Variants in HMGCLL1 observed in about 807,000 individuals in gnomAD.
The protein encoded by HMGCLL1 is 3-hydroxy-3-methylglutaryl-CoA lyase like 1, also known as 3-hydroxymethyl-3-methylglutaryl-CoA lyase, cytoplasmic.
Under a neutral mutation model 39.1 loss-of-function variants are expected in HMGCLL1, and 36 were observed. The observed-to-expected ratio is 0.92, with a 90% confidence interval of 0.71 to 1.22. The LOEUF (loss-of-function observed/expected upper bound fraction) is 1.22, where lower values mean the gene tolerates loss of function less well. Ranked by LOEUF, HMGCLL1 falls within the 50% of genes most tolerant of loss-of-function variation. HMGCLL1 has a pLI of 0.00. For missense variants in HMGCLL1, 451 were observed against 416.5 expected (o/e 1.08, Z -0.72); for synonymous variants, 149 against 144.0 (o/e 1.03, Z -0.25).
At chr6:55,497,725 A>G (rs1766651096) in intron 6 of HMGCLL1, among the ~76,000 whole-genome samples, 1 of 152,212 alleles carries the variant, frequency 6.6e-6, no homozygotes, top group Non-Finnish European at 1.5e-5. Context: ...CTTTATTATA[A>G]AGTGCTTACT....
chr6:55,436,348 C>T (rs530446544), intron 8 of HMGCLL1, among the ~76,000 whole-genome samples: 1 of 151,920 alleles, frequency 6.6e-6, no homozygotes, highest in Non-Finnish European at 1.5e-5. Context: ...GGAACTTGTT[C>T]GCCTGAGAGG....
At chr6:55,473,938 A>C (rs1447139112) in intron 7 of HMGCLL1, among the ~76,000 whole-genome samples, 1 of 151,308 alleles carries the variant, frequency 6.6e-6, no homozygotes, top group Non-Finnish European at 1.5e-5. Context: ...TCTACTTTCT[A>C]GTTGCTTTTG....
chr6:55,639,976 G>T, the HMGCLL1 span, among the ~76,000 whole-genome samples: 1 of 152,130 alleles, frequency 6.6e-6, no homozygotes, highest in Non-Finnish European at 1.5e-5. Flanking sequence ...TACCTGGGAG[G>T]CTGAGGCAGG....
intron 1 of HMGCLL1, among the ~76,000 whole-genome samples, chr6:55,560,200 A>T (rs918683461): frequency 3.9e-5 from 6 of 152,158 alleles, no homozygotes; most frequent in African/African-American, 1.4e-4. Flanking sequence ...CACTCACTTG[A>T]TCAAAGCCTT....
At chr6:55,565,139 C>T (rs779467332) in intron 1 of HMGCLL1, among the ~76,000 whole-genome samples, 13 of 152,034 alleles carry the variant, frequency 8.6e-5, no homozygotes, top group Non-Finnish European at 8.8e-5. Flanking sequence ...AGTCAATAGA[C>T]TGACATTATG....
rs373467937 is a variant in HMGCLL1 at position 55,435,732 on chromosome 6, C to A, written c.953G>T (p.Gly318Val). 2.0e-5 allele frequency: 32 copies of A among 1,603,102 alleles called. No individual in the cohort carries two copies. The African/African-American group carries it at 4.3e-4, about 22-fold the overall frequency. The change falls in exon 9 of 9, where the codon GGT (glycine) becomes GTT (valine). Residue 318 changes from glycine (G) to valine (V), a missense_variant. Gly to Val is a moderately radical substitution (Grantham distance 109, BLOSUM62 -3). Transcript: ENST00000274901. ...GVNLYKVMEA[G>V]DFICKAVNKT... ...ATTCACAGCTTTGCAAATAAAGTCA[C>A]CAGCTTCCATCACTTTGTATAGATT...
intron 3 of HMGCLL1, among the ~76,000 whole-genome samples, chr6:55,539,862 G>GAAAGAAAGAAAGAAAGAA (rs1769248749): frequency 3.6e-5 from 1 of 27,398 alleles, no homozygotes; most frequent in African/African-American, 2.6e-4. Context: ...GAAAGAGGAA[G>GAAAGAAAGAAAGAAAGAA]AAAGAAAGAA....
intron 5 of HMGCLL1, among the ~76,000 whole-genome samples, chr6:55,501,298 T>A (rs761650259): frequency 2.1e-4 from 32 of 151,916 alleles, no homozygotes; most frequent in Middle Eastern, 3.2e-3. Context: ...AAATCCTGCC[T>A]ATTACTCTTT....
intron 7 of HMGCLL1, among the ~76,000 whole-genome samples, chr6:55,445,555 G>A (rs12191691): frequency 0.13 from 19,578 of 151,870 alleles, 1,437 homozygotes; most frequent in Admixed American, 0.17. Context: ...TTTCCTATAT[G>A]AGAGACTTTC....
At chr6:55,614,287 A>G in the HMGCLL1 span, among the ~76,000 whole-genome samples, 4 of 152,092 alleles carry the variant, frequency 2.6e-5, no homozygotes, top group African/African-American at 9.7e-5. Flanking sequence ...TGGAGCCCTA[A>G]TGATGGTATT....
At chr6:55,466,153 G>A (rs1764789473) in intron 7 of HMGCLL1, among the ~76,000 whole-genome samples, 2 of 151,972 alleles carry the variant, frequency 1.3e-5, no homozygotes, top group African/African-American at 2.4e-5. Context: ...ATGGGAAGTG[G>A]GGCAGGAATC....
intron 5 of HMGCLL1, among the ~76,000 whole-genome samples, chr6:55,509,976 G>A (rs1340654278): frequency 6.6e-6 from 1 of 151,716 alleles, no homozygotes; most frequent in Non-Finnish European, 1.5e-5. Context: ...TATGACTAAA[G>A]TATGACATTA....
chr6:55,445,576 G>T (rs1418751911), intron 7 of HMGCLL1, among the ~76,000 whole-genome samples: 1 of 151,904 alleles, frequency 6.6e-6, no homozygotes, highest in Non-Finnish European at 1.5e-5. Flanking sequence ...GGCATTAAAG[G>T]ATTACTCTTG....
At chr6:55,587,413 G>A in the HMGCLL1 span, among the ~76,000 whole-genome samples, 3 of 151,922 alleles carry the variant, frequency 2.0e-5, no homozygotes, top group Non-Finnish European at 4.4e-5. Context: ...AGCTCCTGAA[G>A]GAAGCACTAA....
In HMGCLL1 at chr6:55,461,113, A is replaced by G. The variant is rs577729627; in HGVS notation, c.796-21554T>C. ...AAAAATCTAACTTGTATCAAATAGC[A>G]TCTATTTTGGAGTGCTTTGTTGACA... On this transcript the variant is annotated intron_variant, in intron 7 of 8. Coordinates refer to ENST00000274901, the MANE Select transcript of HMGCLL1 (RefSeq NM_001042406.2). Among the ~76,000 whole-genome samples the G allele has an allele frequency of 3.3e-5, 5 of 152,118 alleles. No individual in the cohort carries two copies. In the South Asian group the frequency reaches 1.0e-3, roughly 31 times the overall value.
At chr6:55,542,372 A>T (rs894339832) in intron 1 of HMGCLL1, among the ~76,000 whole-genome samples, 1 of 152,280 alleles carries the variant, frequency 6.6e-6, no homozygotes, top group East Asian at 1.9e-4. Flanking sequence ...AATTCAAAAG[A>T]TTAATTTATA....
intron 3 of HMGCLL1, 104 bp from the exon 4 acceptor site, chr6:55,516,707 T>A: frequency 1.7e-6 from 1 of 598,898 alleles, no homozygotes; most frequent in South Asian, 3.4e-5. Flanking sequence ...TTAGAGTCTT[T>A]AAATTAATAT....
intron 3 of HMGCLL1, among the ~76,000 whole-genome samples, chr6:55,528,528 T>C (rs972215466): frequency 1.3e-5 from 2 of 152,006 alleles, no homozygotes; most frequent in Admixed American, 6.6e-5. Flanking sequence ...CCATATATCT[T>C]AGCCTCAGTA....
chr6:55,534,574 A>G (rs1463399536), intron 3 of HMGCLL1, among the ~76,000 whole-genome samples: 1 of 152,116 alleles, frequency 6.6e-6, no homozygotes, highest in African/African-American at 2.4e-5. Context: ...GACCACGTGG[A>G]GAGTCTTTGA....
Sources: allele counts gnomAD v4.1 joint callset (sites outside exome capture counted in the v4.1 genomes callset), GRCh38; gene constraint gnomAD v4.1.1; transcripts MANE v1.5; gene names NCBI Gene and HGNC (gene_info 2026-07-23, HGNC 2026-07-21).